Variants in SPTA1 observed in about 807,000 individuals in gnomAD.
SPTA1 encodes spectrin alpha chain, erythrocytic 1.
SPTA1 carries 177 observed loss-of-function variants against 324.7 expected under a neutral mutation model. The observed-to-expected ratio is 0.55, with a 90% CI of 0.48 to 0.62. SPTA1 has a LOEUF of 0.62. Ranked by LOEUF, SPTA1 falls within the 20% of genes least tolerant of loss-of-function variation. SPTA1 has a pLI of 0.00. For missense variants in SPTA1, 3,162 were observed against 2,883.6 expected (o/e 1.10, Z -2.21); for synonymous variants, 1,195 against 1,041.3 (o/e 1.15, Z -2.84).
At chr1:158,671,965 C>G (rs1654054538) in intron 11 of SPTA1, 94 bp downstream of exon 11, 1 of 1,506,412 alleles carries the variant, frequency 6.6e-7, no homozygotes, top group South Asian at 1.1e-5. Context: ...CTCTGACTCA[C>G]AGGAGTGGTT....
chr1:158,654,006 C>T (rs990630749), intron 21 of SPTA1, among the ~76,000 whole-genome samples: 1 of 152,056 alleles, frequency 6.6e-6, no homozygotes, highest in African/African-American at 2.4e-5. Context: ...AAACATCTGC[C>T]GCTCCAAACA....
At position 158,657,619 on chromosome 1, in the gene SPTA1, G is replaced by A. The variant is rs749366513; in HGVS notation, c.2663C>T (p.Ala888Val). Reference sequence around the variant, plus strand: ...TTCAAGATCATTTTGTCGCCTAGCAGCTCGAGCACGGAGAGACTCCATATT... The same window carrying A: ...TTCAAGATCATTTTGTCGCCTAGCAACTCGAGCACGGAGAGACTCCATATT... ...NQNMESLRAR[A>V]ARRQNDLEAN... The change falls in exon 19 of 52, where the codon GCT (alanine) becomes GTT (valine). Residue 888 changes from alanine to valine, a missense_variant. Transcript: ENST00000643759. 1.9e-6 allele frequency: 3 copies of A among 1,614,090 alleles called. No homozygotes were observed. The highest frequency in any genetic ancestry group is 2.5e-6 in the Non-Finnish European group (3 of 1,180,010).
At chr1:158,681,140 T>C (rs968971329) in intron 4 of SPTA1, among the ~76,000 whole-genome samples, 1 of 152,008 alleles carries the variant, frequency 6.6e-6, no homozygotes, top group Admixed American at 6.6e-5. Context: ...AATAAAACCC[T>C]CCATCTTTAT....
Position 158,644,235 on chromosome 1 carries a change from T to C in SPTA1, c.4338+18A>G. 6.2e-7 allele frequency: 1 copy of C among 1,613,562 alleles called. No individual in the cohort carries two copies. Among genetic ancestry groups the C allele is most frequent in the Non-Finnish European group, 8.5e-7 (1 of 1,179,696 alleles). ...TACTACGGATTATTATTTTAATTCCTTTACTAGTCATTATTACCTGGGCAG... is the reference window on the plus strand; with the variant it reads ...TACTACGGATTATTATTTTAATTCCCTTACTAGTCATTATTACCTGGGCAG... On this transcript the variant is annotated intron_variant, in intron 30 of 51. Transcript: ENST00000643759.
intron 33 of SPTA1, among the ~76,000 whole-genome samples, chr1:158,641,053 T>A (rs908904900): frequency 1.3e-5 from 2 of 152,138 alleles, no homozygotes; most frequent in Non-Finnish European, 2.9e-5. Flanking sequence ...AAACAAGCAA[T>A]GGGGAAAGGA....
intron 38 of SPTA1, 37 bp from the exon 39 acceptor site, chr1:158,634,712 C>G: frequency 6.2e-7 from 1 of 1,613,370 alleles, no homozygotes; most frequent in Non-Finnish European, 8.5e-7. Flanking sequence ...AGGATAAGAA[C>G]AAACTGGTAA....
intron 42 of SPTA1, among the ~76,000 whole-genome samples, chr1:158,625,647 G>A (rs1371072183): frequency 6.6e-6 from 1 of 151,286 alleles, no homozygotes; most frequent in East Asian, 1.9e-4. Flanking sequence ...AAAGATAATA[G>A]AATAAACCAA....
chr1:158,681,338 GACTT>G (rs1195853406), intron 4 of SPTA1, among the ~76,000 whole-genome samples, 185 bp downstream of exon 4: 1 of 152,020 alleles, frequency 6.6e-6, no homozygotes, highest in Non-Finnish European at 1.5e-5. Context: ...CATATGTTAA[GACTT>G]ACTTCCATAC....
intron 40 of SPTA1, 53 bp from the exon 41 acceptor site, chr1:158,627,060 G>A: frequency 6.2e-7 from 1 of 1,601,494 alleles, no homozygotes; most frequent in South Asian, 1.1e-5. Flanking sequence ...CTGGAAATGT[G>A]AATCCATTAG....
chr1:158,663,143 C>T (rs180836880), intron 16 of SPTA1, among the ~76,000 whole-genome samples, 198 bp from the exon 17 acceptor site: 11 of 152,002 alleles, frequency 7.2e-5, no homozygotes, highest in East Asian at 1.9e-4. Context: ...GCTATTCATA[C>T]GAAAGTAGTT....
intron 39 of SPTA1, among the ~76,000 whole-genome samples, chr1:158,629,245 A>G (rs1650519073): frequency 6.6e-6 from 1 of 151,638 alleles, no homozygotes; most frequent in Non-Finnish European, 1.5e-5. Context: ...AGGGCCTAAT[A>G]TCCTTAATAT....
intron 15 of SPTA1, 113 bp downstream of exon 15, chr1:158,667,745 T>C: frequency 1.1e-5 from 13 of 1,134,626 alleles, no homozygotes; most frequent in Non-Finnish European, 1.4e-5. Context: ...TGGAAGCAAA[T>C]GAGTAGTATA....
chr1:158,625,208 T>C (rs754418134), intron 42 of SPTA1, among the ~76,000 whole-genome samples: 4 of 152,172 alleles, frequency 2.6e-5, no homozygotes, highest in African/African-American at 7.2e-5. Flanking sequence ...TTTCTGCAGA[T>C]ACTAAAAAAA....
chr1:158,668,224 A>G (rs1036927451), intron 14 of SPTA1, among the ~76,000 whole-genome samples, 162 bp from the exon 15 acceptor site: 6 of 152,186 alleles, frequency 3.9e-5, no homozygotes, highest in Admixed American at 1.3e-4. Flanking sequence ...AATTCATGCA[A>G]TGAATCCCTC....
chr1:158,661,422 G>A lies in SPTA1; in HGVS notation c.2465-13C>T. Reference sequence around the variant, plus strand: ...ATCAGGTCCTTTCCTGCAGAGGAAAGGAATTTCAAAGTTTCGGATTATCCT... The same window carrying A: ...ATCAGGTCCTTTCCTGCAGAGGAAAAGAATTTCAAAGTTTCGGATTATCCT... On this transcript the variant is annotated splice_polypyrimidine_tract_variant and intron_variant, in intron 17 of 51. Coordinates refer to ENST00000643759, the MANE Select transcript of SPTA1 (RefSeq NM_003126.4). 1 of 1,613,756 alleles carries A rather than the reference G, an allele frequency of 6.2e-7. No individual in the cohort carries two copies. Among genetic ancestry groups the A allele is most frequent in the Non-Finnish European group, 8.5e-7 (1 of 1,179,812 alleles).
chr1:158,619,173 C>A, intron 45 of SPTA1, 49 bp downstream of exon 45: 1 of 1,548,984 alleles, frequency 6.5e-7, no homozygotes, highest in Non-Finnish European at 8.9e-7. Flanking sequence ...ATCCCTATGG[C>A]AAATGGTGGT....
At chr1:158,613,103 G>T in intron 50 of SPTA1, 142 bp from the exon 51 acceptor site, 1 of 889,650 alleles carries the variant, frequency 1.1e-6, no homozygotes, top group Non-Finnish European at 1.8e-6. Context: ...GGGATGAGAT[G>T]GGTTATGCTC....
intron 41 of SPTA1, 107 bp downstream of exon 41, chr1:158,626,732 G>A: frequency 6.9e-7 from 1 of 1,443,632 alleles, no homozygotes; most frequent in Non-Finnish European, 9.7e-7. Context: ...GGTAGTGATG[G>A]AAACACCTCC....
intron 5 of SPTA1, 52 bp downstream of exon 5, chr1:158,680,531 T>C: frequency 1.2e-6 from 2 of 1,612,148 alleles, no homozygotes; most frequent in Middle Eastern, 1.7e-4. Context: ...CAGAAGTTAT[T>C]CTTAAGGATA....
Sources: allele counts gnomAD v4.1 joint callset (sites outside exome capture counted in the v4.1 genomes callset), GRCh38; gene constraint gnomAD v4.1.1; transcripts MANE v1.5; gene names NCBI Gene and HGNC (gene_info 2026-07-23, HGNC 2026-07-21).